The following PLEKHG1 variants were observed in gnomAD, a reference collection of about 807,000 sequenced individuals.
PLEKHG1 encodes pleckstrin homology and RhoGEF domain containing G1.
In PLEKHG1, 44 loss-of-function variants were observed where a neutral mutation model predicts 100.8. That is an observed-to-expected ratio of 0.44 (90% confidence interval 0.34 to 0.56). PLEKHG1 has a LOEUF of 0.56. Ranked by LOEUF, PLEKHG1 falls within the 20% of genes least tolerant of loss-of-function variation. The pLI, the probability that PLEKHG1 is intolerant of heterozygous loss-of-function variation, is 0.01. For missense variants in PLEKHG1, 1,545 were observed against 1,720.9 expected (o/e 0.90, Z 1.81); for synonymous variants, 640 against 662.5 (o/e 0.97, Z 0.52).
At chr6:150,670,298 T>C (rs1212467210) in intron 3 of PLEKHG1, among the ~76,000 whole-genome samples, 1 of 152,236 alleles carries the variant, frequency 6.6e-6, no homozygotes, top group Non-Finnish European at 1.5e-5. Flanking sequence ...GACCTTTATT[T>C]CATTGACTTT....
intron 3 of PLEKHG1, among the ~76,000 whole-genome samples, chr6:150,710,029 A>T (rs986847976): frequency 3.3e-5 from 5 of 152,180 alleles, no homozygotes; most frequent in Non-Finnish European, 5.9e-5. Context: ...TTATTAAATT[A>T]CTAGGCTGAT....
rs573818795 is a variant in PLEKHG1, at chr6:150,819,391, C to A, written c.1313-288C>A. ...ACCAGCCTGGCCAACATGTTGAAAC[C>A]CCATCTCTACTAAAAATACAAAAAT... On this transcript the variant is annotated intron_variant, in intron 11 of 15. Transcript: ENST00000358517. 5.9e-5 allele frequency among the ~76,000 whole-genome samples: 9 copies of A among 151,722 alleles called. No individual in the cohort carries two copies. In the South Asian group the frequency reaches 1.7e-3, roughly 28 times the overall value.
chr6:150,838,263 A>G (rs1777332668), intron 15 of PLEKHG1, among the ~76,000 whole-genome samples: 1 of 152,236 alleles, frequency 6.6e-6, no homozygotes, highest in Admixed American at 6.5e-5. Context: ...AGATTGTGTC[A>G]ATATGGTCTG....
intron 2 of PLEKHG1, among the ~76,000 whole-genome samples, chr6:150,734,486 C>G (rs550729808): frequency 6.6e-6 from 1 of 152,158 alleles, no homozygotes; most frequent in South Asian, 2.1e-4. Flanking sequence ...AATCACCACT[C>G]GCTACTGGCA....
In PLEKHG1 at chr6:150,600,037, G is replaced by C. The variant is rs1163266346; in HGVS notation, c.-204+20G>C. Reference sequence around the variant, plus strand: ...CCCCGGGTAAGCGCCGGTCGGGCCCGGACGCCCTGGGGACTTTTCCAGGGA... The same window carrying C: ...CCCCGGGTAAGCGCCGGTCGGGCCCCGACGCCCTGGGGACTTTTCCAGGGA... On this transcript the variant is annotated intron_variant, in intron 1 of 3. Coordinates refer to the PLEKHG1 transcript ENST00000367326. The surrounding 1 kb of genome is among the most constrained non-coding windows in gnomAD (Gnocchi z 6.2). The C allele has an allele frequency of 9.1e-6, 2 of 220,198 alleles. No individual in the cohort carries two copies. Among genetic ancestry groups the C allele is most frequent in the African/African-American group, 4.8e-5 (2 of 42,036 alleles). 13.6% of individuals were successfully genotyped at this position (220,198 alleles called of 1,614,324 possible). A position where few individuals can be genotyped will look rare whatever the true frequency, so the allele number is the denominator to read the frequency against.
chr6:150,683,786 G>A lies in PLEKHG1; in HGVS notation c.-99+33000G>A, dbSNP rs1444047379. 1.6e-6 allele frequency: 2 copies of A among 1,288,642 alleles called. No individual in the cohort carries two copies. Among genetic ancestry groups the A allele is most frequent in the South Asian group, 1.2e-5 (1 of 80,942 alleles). 79.8% of individuals were successfully genotyped at this position (1,288,642 alleles called of 1,614,324 possible). ...AGATGGAGCCATTCTTGGTGGGGCG[G>A]AAGAGGCAGGAAACTGCTGCCTGGA... On this transcript the variant is annotated intron_variant, in intron 3 of 3. Transcript: ENST00000367326. This position sits in a 1 kb window ranked among gnomAD's most constrained non-coding sequence, Gnocchi z 4.0.
At chr6:150,813,666 A>C (rs765977168) in intron 10 of PLEKHG1, among the ~76,000 whole-genome samples, 3 of 152,138 alleles carry the variant, frequency 2.0e-5, no homozygotes, top group Non-Finnish European at 4.4e-5. Flanking sequence ...AGCAGGACTT[A>C]ATGTGAGAGA....
exon 16 of PLEKHG1, chr6:150,841,007 G>C (rs1334464866): frequency 1.2e-6 from 1 of 863,170 alleles, no homozygotes; most frequent in African/African-American, 1.7e-5. Context: ...GTAAGAACCA[G>C]AGGTGTAAAA....
chr6:150,732,560 C>T (rs1782324857), intron 1 of PLEKHG1, among the ~76,000 whole-genome samples: 1 of 152,162 alleles, frequency 6.6e-6, no homozygotes, highest in Non-Finnish European at 1.5e-5. Flanking sequence ...ATGGCATAGC[C>T]CTTTACACAT....
Position 150,766,364 on chromosome 6 carries a change from C to T in PLEKHG1, c.412-2274C>T, listed in dbSNP as rs146553230. Among the ~76,000 whole-genome samples the T allele has an allele frequency of 8.3e-3, 1,266 of 152,298 alleles. 10 individuals carry two copies. Among genetic ancestry groups the T allele is most frequent in the African/African-American group, 0.028 (1,147 of 41,572 alleles). On this transcript the variant is annotated intron_variant, in intron 2 of 15. Transcript: ENST00000358517. ...CGTTGGTGTCCTTACACTGTCATTT[C>T]GGGCGCAGAATGAACTGTTATTATC...
chr6:150,785,708 C>T (rs887480556), intron 3 of PLEKHG1, among the ~76,000 whole-genome samples: 1 of 151,896 alleles, frequency 6.6e-6, no homozygotes, highest in Non-Finnish European at 1.5e-5. Context: ...CCATGGAGTC[C>T]CCAACCCCCA....
At chr6:150,669,621 A>C (rs955055171) in intron 3 of PLEKHG1, among the ~76,000 whole-genome samples, 1 of 83,006 alleles carries the variant, frequency 1.2e-5, no homozygotes, top group African/African-American at 4.9e-5. Context: ...TTGAGATGGG[A>C]GTTTTGCTCT....
At chr6:150,821,509 C>A (rs544385809) in intron 13 of PLEKHG1, among the ~76,000 whole-genome samples, 1 of 152,118 alleles carries the variant, frequency 6.6e-6, no homozygotes, top group Non-Finnish European at 1.5e-5. Flanking sequence ...CATGGTGAAA[C>A]CCCGTCTCTA....
chr6:150,810,334 A>G (rs749767540), intron 10 of PLEKHG1, among the ~76,000 whole-genome samples: 6 of 148,802 alleles, frequency 4.0e-5, no homozygotes, highest in African/African-American at 7.4e-5. Context: ...CAGTGGCGCA[A>G]TCTCCACACA....
intron 1 of PLEKHG1, among the ~76,000 whole-genome samples, chr6:150,636,027 A>G (rs1472923332): frequency 6.6e-6 from 1 of 152,200 alleles, no homozygotes; most frequent in Non-Finnish European, 1.5e-5. Flanking sequence ...GTTGAAGGGT[A>G]TGAAACAATT....
At chr6:150,795,740 CATATAT>C in intron 4 of PLEKHG1, 110 bp from the exon 6 acceptor site, 3 of 411,400 alleles carry the variant, frequency 7.3e-6, no homozygotes, top group Non-Finnish European at 4.3e-6. Context: ...AAACAAAAAA[CATATAT>C]ATATATATAT....
At chr6:150,794,633 C>T (rs1786208322) in intron 4 of PLEKHG1, among the ~76,000 whole-genome samples, 1 of 152,144 alleles carries the variant, frequency 6.6e-6, no homozygotes, top group South Asian at 2.1e-4. Flanking sequence ...CGCCACTGCA[C>T]TGCAGCCTGG....
At chr6:150,710,638 A>G (rs564005035) in intron 3 of PLEKHG1, among the ~76,000 whole-genome samples, 17 of 152,298 alleles carry the variant, frequency 1.1e-4, no homozygotes, top group African/African-American at 3.6e-4. Flanking sequence ...TGCAGTAAAC[A>G]TAGTTATTAA....
chr6:150,760,809 G>A (rs542042376), intron 2 of PLEKHG1, among the ~76,000 whole-genome samples: 122 of 152,120 alleles, frequency 8.0e-4, no homozygotes, highest in African/African-American at 2.9e-3. Context: ...ATATGAGAAC[G>A]TTGTCAATGT....
Sources: gnomAD v4.1 joint callset for allele counts (sites outside exome capture counted in the v4.1 genomes callset) on GRCh38, gnomAD v4.1.1 for gene constraint, Gnocchi (gnomAD v3.1) non-coding constraint, MANE v1.5 for transcripts, NCBI Gene and HGNC (gene_info 2026-07-23, HGNC 2026-07-21) for gene names.